The following DOCK4 variants were observed in gnomAD, a reference collection of about 807,000 sequenced individuals.
DOCK4 encodes the protein dedicator of cytokinesis 4, also known as dedicator of cytokinesis protein 4.
Under a neutral mutation model 268.1 loss-of-function variants are expected in DOCK4, and 97 were observed. The ratio of observed to expected loss-of-function variants is 0.36; its 90% CI spans 0.31 to 0.43. The LOEUF (loss-of-function observed/expected upper bound fraction) is 0.43, where lower values mean the gene tolerates loss of function less well. Among genes scored for constraint, DOCK4 ranks in the 20% least tolerant of loss-of-function variants. DOCK4 has a pLI of 1.00. For synonymous variants in DOCK4, 954 were observed against 887.2 expected, an observed-to-expected ratio of 1.08 and a Z score of -1.34; for missense variants, 2,145 against 2,455.7, an observed-to-expected ratio of 0.87 and a Z score of 2.67.
intron 37 of DOCK4, 21 bp from the exon 38 acceptor site, chr7:111,767,139 T>A (rs767409702): frequency 1.0e-5 from 16 of 1,599,906 alleles, no homozygotes; most frequent in Non-Finnish European, 1.3e-5. Context: ...ATGAATGAGA[T>A]CAATGGAACC....
At chr7:112,077,245 A>T (rs1313986641) in intron 1 of DOCK4, among the ~76,000 whole-genome samples, 5 of 152,158 alleles carry the variant, frequency 3.3e-5, no homozygotes, top group African/African-American at 1.2e-4. Flanking sequence ...TTATCCAAAA[A>T]GGAAAAATGC....
At chr7:111,940,313 A>G in intron 10 of DOCK4, 71 bp from the exon 11 acceptor site, 2 of 1,598,296 alleles carry the variant, frequency 1.3e-6, no homozygotes, top group South Asian at 1.1e-5. Context: ...AGCGAAACAT[A>G]CAGCTATAAG....
intron 52 of DOCK4, among the ~76,000 whole-genome samples, chr7:111,729,758 CAGG>C (rs1289681697): frequency 6.6e-6 from 1 of 152,150 alleles, no homozygotes; most frequent in Non-Finnish European, 1.5e-5. Context: ...CCAGAGAGCT[CAGG>C]AGGAGGAGCA....
chr7:111,895,870 G>C lies in DOCK4; in HGVS notation c.1481-152C>G, dbSNP rs530538948. Among the ~76,000 whole-genome samples the C allele has an allele frequency of 7.4e-4, 113 of 152,264 alleles. 1 individual carries two copies. Among genetic ancestry groups the C allele is most frequent in the African/African-American group, 2.6e-3 (110 of 41,554 alleles). On this transcript the variant is annotated intron_variant, in intron 15 of 52. Coordinates refer to ENST00000428084, the MANE Select transcript of DOCK4 (RefSeq NM_001363540.2). ...TTTTCTGATAGGCCATCTATATAGAGCAGCCACCCTCTAATCCCCTCTTCC... is the reference window on the plus strand; with the variant it reads ...TTTTCTGATAGGCCATCTATATAGACCAGCCACCCTCTAATCCCCTCTTCC...
intron 1 of DOCK4, among the ~76,000 whole-genome samples, chr7:112,004,411 G>T (rs1225329762): frequency 6.6e-6 from 1 of 152,054 alleles, no homozygotes; most frequent in East Asian, 1.9e-4. Flanking sequence ...ATAAACAAAG[G>T]TATTGCCTGA....
chr7:112,100,649 T>C (rs1009785494), intron 1 of DOCK4, among the ~76,000 whole-genome samples: 9 of 152,248 alleles, frequency 5.9e-5, no homozygotes, highest in African/African-American at 2.2e-4. Flanking sequence ...TATATCAAAG[T>C]GCATCAGACA....
At chr7:111,917,034 C>A (rs796149650) in intron 12 of DOCK4, among the ~76,000 whole-genome samples, 4 of 133,836 alleles carry the variant, frequency 3.0e-5, no homozygotes, top group African/African-American at 1.2e-4. Flanking sequence ...TGTTCCCAGG[C>A]TGGAGTACAG....
At chr7:112,036,065 T>A (rs1803727567) in intron 1 of DOCK4, among the ~76,000 whole-genome samples, 1 of 152,082 alleles carries the variant, frequency 6.6e-6, no homozygotes, top group South Asian at 2.1e-4. Flanking sequence ...ATATTCAGTG[T>A]CAGAAGACCC....
At chr7:111,935,137 G>C (rs185122843) in intron 12 of DOCK4, among the ~76,000 whole-genome samples, 41 of 151,700 alleles carry the variant, frequency 2.7e-4, no homozygotes, top group Admixed American at 1.2e-3. Flanking sequence ...TAGTAGAGAC[G>C]GGGTTTCACT....
chr7:111,835,939 A>G (rs561951360), intron 25 of DOCK4, among the ~76,000 whole-genome samples: 55 of 152,326 alleles, frequency 3.6e-4, no homozygotes, highest in African/African-American at 1.2e-3. Context: ...ATAATTATCT[A>G]TATACATTTT....
At chr7:111,812,833 C>T (rs747916461) in intron 27 of DOCK4, among the ~76,000 whole-genome samples, 9 of 152,068 alleles carry the variant, frequency 5.9e-5, no homozygotes, top group Non-Finnish European at 8.8e-5. Flanking sequence ...TGTGTGAAAC[C>T]GACAGTGTTA....
intron 2 of DOCK4, among the ~76,000 whole-genome samples, chr7:112,002,907 T>G: frequency 6.6e-6 from 1 of 151,786 alleles, no homozygotes; most frequent in East Asian, 1.9e-4. Flanking sequence ...AAAAATTAGC[T>G]GAGTGTGGTG....
Position 111,889,669 on chromosome 7 carries a change from A to C in DOCK4, c.1587+5943T>G, listed in dbSNP as rs139557862. On this transcript the variant is annotated intron_variant, in intron 16 of 52. Transcript: ENST00000428084. ...AGAACCTGAAAACTTGTAGAGAAAA[A>C]TGTGGGCCACAAAGGGTTTATGGAC... Among the ~76,000 whole-genome samples, 521 of 152,274 alleles carry C rather than the reference A, an allele frequency of 3.4e-3. 1 individual carries two copies. Among genetic ancestry groups the C allele is most frequent in the Non-Finnish European group, 5.2e-3 (356 of 68,024 alleles).
Position 112,126,780 on chromosome 7 carries a change from T to A in DOCK4, c.37+79322A>T, listed in dbSNP as rs532346452. On this transcript the variant is annotated intron_variant, in intron 1 of 52. Transcript: ENST00000428084. ...AACAGACACTTCTCAAAGGAAGACA[T>A]TTATGCAGCCAAAAGACACATGAAA... 5.3e-5 allele frequency among the ~76,000 whole-genome samples: 8 copies of A among 152,320 alleles called. No homozygotes were observed. In the South Asian group the frequency reaches 1.7e-3, roughly 32 times the overall value.
intron 20 of DOCK4, among the ~76,000 whole-genome samples, chr7:111,870,456 G>A (rs1274109238): frequency 6.6e-6 from 1 of 151,550 alleles, no homozygotes; most frequent in Non-Finnish European, 1.5e-5. Context: ...CCAAGCAGCT[G>A]GGATTCAAGT....
At chr7:112,154,756 C>G (rs1388658228) in intron 1 of DOCK4, among the ~76,000 whole-genome samples, 1 of 152,184 alleles carries the variant, frequency 6.6e-6, no homozygotes, top group African/African-American at 2.4e-5. Flanking sequence ...TTCTCCTACT[C>G]AAGGTATTTT....
Position 111,963,295 on chromosome 7 carries a change from C to A in DOCK4, c.701+13837G>T, listed in dbSNP as rs570798010. Among the ~76,000 whole-genome samples the A allele has an allele frequency of 2.8e-3, 405 of 146,772 alleles. 2 individuals carry two copies. The highest frequency in any genetic ancestry group is 0.01 in the African/African-American group (384 of 38,326). The stretch of plus-strand genomic sequence containing the variant: ...GATTTCTGCATTTCCATCTGAGGTA[C>A]CGGGTTCATCTCACTAGGGAGTGCC... On this transcript the variant is annotated intron_variant, in intron 8 of 52. Coordinates refer to ENST00000428084, the MANE Select transcript of DOCK4 (RefSeq NM_001363540.2).
chr7:112,073,439 ATAATG>A (rs548422789), intron 1 of DOCK4, among the ~76,000 whole-genome samples: 74 of 152,294 alleles, frequency 4.9e-4, no homozygotes, highest in South Asian at 4.8e-3. Context: ...TTTCTTTACA[ATAATG>A]TAATGTAAAA....
At chr7:112,063,474 T>C (rs1025692227) in intron 1 of DOCK4, among the ~76,000 whole-genome samples, 1 of 152,176 alleles carries the variant, frequency 6.6e-6, no homozygotes, top group East Asian at 1.9e-4. Flanking sequence ...AAGCCCACAA[T>C]TGGGCAAAAT....
Sources: gnomAD v4.1 joint callset for allele counts (sites outside exome capture counted in the v4.1 genomes callset) on GRCh38, gnomAD v4.1.1 for gene constraint, MANE v1.5 for transcripts, NCBI Gene and HGNC (gene_info 2026-07-23, HGNC 2026-07-21) for gene names.